Variants in CSMD2 observed in about 807,000 individuals in gnomAD.
CSMD2 encodes the protein CUB and Sushi multiple domains 2.
In CSMD2, 130 loss-of-function variants were observed where a neutral mutation model predicts 398.5. The ratio of observed to expected loss-of-function variants is 0.33; its 90% CI spans 0.28 to 0.38. CSMD2 has a LOEUF of 0.38. Among genes scored for constraint, CSMD2 ranks in the 10% least tolerant of loss-of-function variants. CSMD2 has a pLI of 1.00. For synonymous variants in CSMD2, 1,828 were observed against 1,908.5 expected, an observed-to-expected ratio of 0.96 and a Z score of 1.10; for missense variants, 3,829 against 4,764.9, an observed-to-expected ratio of 0.80 and a Z score of 5.78.
chr1:34,058,018 C>T (rs1466429603), intron 2 of CSMD2, among the ~76,000 whole-genome samples: 2 of 152,070 alleles, frequency 1.3e-5, no homozygotes, highest in African/African-American at 4.8e-5. Context: ...AGAGAACTAG[C>T]CTGGGAGTAG....
rs779485791 is a variant in CSMD2 at position 33,600,993 on chromosome 1, G to A, written c.6728C>T (p.Thr2243Ile). The change falls in exon 44 of 71, where the codon ACA becomes ATA. Residue 2243 changes from threonine to isoleucine, a missense_variant. Physicochemically the swap from Thr to Ile is moderately conservative, Grantham distance 89 (BLOSUM62 -1). Transcript: ENST00000373381. ...FITIWDGPQQ[T>I]APRLGVFTRS... Reference sequence around the variant, plus strand: ...GGTGAAGACGCCGAGCCGTGGTGCTGTTTGCTGTGGCCCATCCCTGTACAC... The same window carrying A: ...GGTGAAGACGCCGAGCCGTGGTGCTATTTGCTGTGGCCCATCCCTGTACAC... The A allele has an allele frequency of 6.2e-7, 1 of 1,614,202 alleles. No homozygotes were observed. The highest frequency in any genetic ancestry group is 1.1e-5 in the South Asian group (1 of 91,090).
chr1:33,944,233 C>A (rs1386444393), intron 3 of CSMD2, among the ~76,000 whole-genome samples: 1 of 151,938 alleles, frequency 6.6e-6, no homozygotes, highest in African/African-American at 2.4e-5. Flanking sequence ...CAGGAACGCC[C>A]CCCCCCCAAC....
At chr1:33,780,028 G>C (rs1369494661) in intron 12 of CSMD2, among the ~76,000 whole-genome samples, 1 of 152,176 alleles carries the variant, frequency 6.6e-6, no homozygotes, top group Admixed American at 6.5e-5. Context: ...GTGATGAAGA[G>C]AGAAGAGGCC....
chr1:34,000,469 C>G (rs1334472848), intron 3 of CSMD2, among the ~76,000 whole-genome samples: 1 of 152,152 alleles, frequency 6.6e-6, no homozygotes, highest in Non-Finnish European at 1.5e-5. Context: ...AATGCCGGAT[C>G]TGGTGAGAGG....
intron 5 of CSMD2, chr1:33,869,066 G>A (rs1334719352): frequency 6.6e-6 from 1 of 152,282 alleles, no homozygotes; most frequent in Non-Finnish European, 1.5e-5. Context: ...ACAAATGGGC[G>A]AGATGTGTTT....
chr1:33,723,688 T>G (rs1447024688), intron 19 of CSMD2, among the ~76,000 whole-genome samples: 1 of 152,162 alleles, frequency 6.6e-6, no homozygotes, highest in Non-Finnish European at 1.5e-5. Context: ...CTGTGTTCAG[T>G]ATCTGAAGGG....
chr1:33,537,631 G>A lies in CSMD2; in HGVS notation c.9632-22C>T. The A allele has an allele frequency of 6.3e-7, 1 of 1,599,506 alleles. No homozygotes were observed. Among genetic ancestry groups the A allele is most frequent in the Non-Finnish European group, 8.5e-7 (1 of 1,171,824 alleles). On this transcript the variant is annotated intron_variant, in intron 60 of 70. Transcript: ENST00000373381. The surrounding 1 kb of genome is among the most constrained non-coding windows in gnomAD (Gnocchi z 4.6). ...ACAGCTGGGAAGACGAAGGGAGAAA[G>A]GCAGGTCTAAGTTGCTTTCCAGAAC...
rs988075745 is a variant in CSMD2, at chr1:33,573,995, T to C, written c.7577-1304A>G. On this transcript the variant is annotated intron_variant, in intron 49 of 70. Transcript: ENST00000373381. ...CCCATCAGCAGTGAGTGTTCAAAGA[T>C]AATGGAACAAAGCTTTAAACCTCTG... is the stretch of plus-strand genomic sequence containing the variant. 1.2e-4 allele frequency among the ~76,000 whole-genome samples: 18 copies of C among 152,142 alleles called. No homozygotes were observed. The East Asian group carries it at 1.3e-3, about 11-fold the overall frequency.
chr1:34,141,366 A>G (rs1218753404), intron 1 of CSMD2, among the ~76,000 whole-genome samples: 1 of 152,156 alleles, frequency 6.6e-6, no homozygotes, highest in African/African-American at 2.4e-5. Context: ...AAGTCAGTAA[A>G]TGTTTCAAAA....
rs142517540 is a variant in CSMD2, at chr1:33,622,800, G to T, written c.5723-529C>A. Among the ~76,000 whole-genome samples, 208 of 152,324 alleles carry T rather than the reference G, an allele frequency of 1.4e-3. 1 individual carries two copies. The highest frequency in any genetic ancestry group is 4.9e-3 in the African/African-American group (202 of 41,562). On this transcript the variant is annotated intron_variant, in intron 36 of 70. Transcript: ENST00000373381. The stretch of plus-strand genomic sequence containing the variant: ...AGTTCCTCCAAAAGTTAAACATAGA[G>T]TTCCCACATGACCCAGCAATTCCAC...
chr1:34,028,199 C>A (rs1467576473), intron 3 of CSMD2, among the ~76,000 whole-genome samples: 2 of 151,948 alleles, frequency 1.3e-5, no homozygotes, highest in East Asian at 3.9e-4. Context: ...CGCGTGTCTG[C>A]GGTCCCAGCT....
At position 33,739,274 on chromosome 1, in the gene CSMD2, T is replaced by A; in HGVS notation, c.2234A>T (p.Asp745Val). Residue 745 changes from aspartate to valine, a missense_variant, in exon 15 of 71, where the codon GAC (aspartate) becomes GTC (valine). By Grantham distance (152) the Asp-to-Val change is radical. Transcript: ENST00000373381. ...GVPVNGKRFG[D>V]SLQLGSSISF... is the part of the protein sequence containing the mutation. ...GATGGAGCTGCCCAGCTGGAGGCTG[T>A]CCCCAAACCGTTTGCCATTTACTGG... is the stretch of plus-strand genomic sequence containing the variant. 6.2e-7 allele frequency: 1 copy of A among 1,614,144 alleles called. No individual in the cohort carries two copies. The highest frequency in any genetic ancestry group is 8.5e-7 in the Non-Finnish European group (1 of 1,180,010).
intron 52 of CSMD2, among the ~76,000 whole-genome samples, chr1:33,568,132 A>C (rs939693114): frequency 2.6e-5 from 4 of 151,988 alleles, no homozygotes; most frequent in African/African-American, 9.7e-5. Context: ...AAAGCCTTCT[A>C]TAAAAAAACA....
intron 1 of CSMD2, among the ~76,000 whole-genome samples, chr1:34,099,047 AC>A (rs1261998833): frequency 1.3e-5 from 2 of 152,220 alleles, no homozygotes; most frequent in Non-Finnish European, 2.9e-5. Flanking sequence ...AAATTAGTTC[AC>A]AAAAGAAGAC....
chr1:33,537,539 T>C lies in CSMD2; in HGVS notation c.9702A>G (p.Ser3234=). 1 of 1,614,218 alleles carries C rather than the reference T, an allele frequency of 6.2e-7. No individual in the cohort carries two copies. The highest frequency in any genetic ancestry group is 1.1e-5 in the South Asian group (1 of 91,086). The stretch of plus-strand genomic sequence containing the variant: ...GGGGATGGCAGGAGAAGGAGACAGA[T>C]GACCTGTAGGAGAAGCCTCGGTCCT... ...RREDRGFSYR[S]SVSFSCHPPL... Residue 3234 remains serine (S), a synonymous_variant, in exon 61 of 71, where the codon TCA becomes TCG. Transcript: ENST00000373381. The surrounding 1 kb of genome is among the most constrained non-coding windows in gnomAD (Gnocchi z 4.6).
At chr1:33,744,353 C>T (rs537219424) in intron 13 of CSMD2, among the ~76,000 whole-genome samples, 14 of 152,290 alleles carry the variant, frequency 9.2e-5, no homozygotes, top group African/African-American at 3.4e-4. Context: ...CAAGATGCCA[C>T]ACTATGCTAA....
chr1:33,713,984 T>G (rs969039489), intron 21 of CSMD2, among the ~76,000 whole-genome samples: 15 of 152,192 alleles, frequency 9.9e-5, no homozygotes, highest in African/African-American at 3.4e-4. Context: ...AGTGAAGAAT[T>G]TCTCTGTTTT....
rs142172273 is a variant in CSMD2 at position 33,716,639 on chromosome 1, C to T, written c.3002-138G>A. 53 of 641,438 alleles carry T rather than the reference C, an allele frequency of 8.3e-5. No homozygotes were observed. The African/African-American group carries it at 8.7e-4, about 11-fold the overall frequency. 39.7% of individuals were successfully genotyped at this position (641,438 alleles called of 1,614,324 possible). ...TGACTACAAGCATGCATTGACAAAT[C>T]ATACAGGTGAATCTGAATGAAGGAA... On this transcript the variant is annotated intron_variant, in intron 19 of 70. Coordinates refer to ENST00000373381, the MANE Select transcript of CSMD2 (RefSeq NM_001281956.2).
At chr1:33,914,152 G>T (rs558431878) in intron 5 of CSMD2, among the ~76,000 whole-genome samples, 1 of 152,244 alleles carries the variant, frequency 6.6e-6, no homozygotes, top group South Asian at 2.1e-4. Flanking sequence ...GCTCCATGAT[G>T]GTCAGAGCCA....
Sources: gnomAD v4.1 joint callset for allele counts (sites outside exome capture counted in the v4.1 genomes callset) on GRCh38, gnomAD v4.1.1 for gene constraint, Gnocchi (gnomAD v3.1) non-coding constraint, MANE v1.5 for transcripts, NCBI Gene and HGNC (gene_info 2026-07-23, HGNC 2026-07-21) for gene names.